Variants in LRP12 observed in about 807,000 individuals in gnomAD.
The protein encoded by LRP12 is LDL receptor related protein 12.
In LRP12, 14 loss-of-function variants were observed where a neutral mutation model predicts 66.0. That is an observed-to-expected ratio of 0.21 (90% CI 0.14 to 0.33). The LOEUF (loss-of-function observed/expected upper bound fraction) is 0.33. Ranked by LOEUF, LRP12 falls within the 10% of genes least tolerant of loss-of-function variation. LRP12 has a pLI of 1.00. For missense variants in LRP12, 889 were observed against 1,053.4 expected (o/e 0.84, Z 2.16); for synonymous variants, 357 against 359.1 (o/e 0.99, Z 0.07).
intron 1 of LRP12, among the ~76,000 whole-genome samples, chr8:104,580,077 A>G (rs1427651642): frequency 2.0e-5 from 3 of 152,230 alleles, no homozygotes; most frequent in Non-Finnish European, 4.4e-5. Context: ...AAATTGACAA[A>G]TGGAATCTAA....
intron 1 of LRP12, among the ~76,000 whole-genome samples, chr8:104,557,678 G>A (rs1344348471): frequency 6.6e-6 from 1 of 152,128 alleles, no homozygotes; most frequent in Admixed American, 6.5e-5. Flanking sequence ...TCAACATTGT[G>A]AAAATGACCA....
intron 3 of LRP12, among the ~76,000 whole-genome samples, chr8:104,503,227 T>G (rs1206990121): frequency 6.8e-6 from 1 of 147,936 alleles, no homozygotes; most frequent in Non-Finnish European, 1.5e-5. Flanking sequence ...CTCGGGAGGC[T>G]GAGGCGGGAG....
chr8:104,541,819 G>T (rs139802717), intron 1 of LRP12, among the ~76,000 whole-genome samples: 1 of 152,148 alleles, frequency 6.6e-6, no homozygotes, highest in East Asian at 1.9e-4. Context: ...ATTCATCCTT[G>T]TACCATGACT....
intron 3 of LRP12, among the ~76,000 whole-genome samples, chr8:104,501,835 CTTCA>C (rs1242257667): frequency 2.0e-5 from 3 of 151,748 alleles, no homozygotes; most frequent in East Asian, 3.9e-4. Context: ...AAATTTTAGT[CTTCA>C]TTAAGTCTAA....
At chr8:104,526,203 CATT>C (rs1353702881) in intron 2 of LRP12, among the ~76,000 whole-genome samples, 22 of 151,774 alleles carry the variant, frequency 1.4e-4, no homozygotes, top group African/African-American at 5.1e-4. Context: ...AATGGAAGAA[CATT>C]CCATGCTCAT....
chr8:104,525,919 G>A (rs13259268), intron 2 of LRP12, among the ~76,000 whole-genome samples: 22,283 of 152,074 alleles, frequency 0.15, 2,441 homozygotes, highest in African/African-American at 0.31. Context: ...ACATGATTGT[G>A]TATCTAGAAA....
chr8:104,557,529 T>TA (rs530034124), intron 1 of LRP12, among the ~76,000 whole-genome samples: 6,038 of 134,292 alleles, frequency 0.045, 174 homozygotes, highest in South Asian at 0.081. Flanking sequence ...TTGCAATAGC[T>TA]AAAAAAAAAA....
At chr8:104,536,584 GT>G (rs1197840188) in intron 1 of LRP12, among the ~76,000 whole-genome samples, 1 of 152,002 alleles carries the variant, frequency 6.6e-6, no homozygotes, top group Admixed American at 6.6e-5. Context: ...TTGGTAGTCT[GT>G]TGACAAAATA....
intron 1 of LRP12, among the ~76,000 whole-genome samples, chr8:104,573,001 C>T (rs1156977328): frequency 2.6e-5 from 4 of 152,140 alleles, no homozygotes; most frequent in Non-Finnish European, 5.9e-5. Context: ...CTTATTCTTA[C>T]GTAGTAGAAA....
chr8:104,548,773 C>T (rs1371897110), intron 1 of LRP12, among the ~76,000 whole-genome samples: 2 of 148,560 alleles, frequency 1.3e-5, no homozygotes, highest in African/African-American at 2.5e-5. Flanking sequence ...GGAGAAACCC[C>T]GTCTCTACTA....
intron 1 of LRP12, among the ~76,000 whole-genome samples, chr8:104,555,635 T>C (rs1222728604): frequency 6.6e-6 from 1 of 152,128 alleles, no homozygotes; most frequent in African/African-American, 2.4e-5. Flanking sequence ...TATATGCACC[T>C]AACACTGGAG....
chr8:104,491,001 C>G lies in LRP12; in HGVS notation c.2252G>C (p.Ser751Thr). 6.2e-7 allele frequency: 1 copy of G among 1,614,098 alleles called. No homozygotes were observed. Among genetic ancestry groups the G allele is most frequent in the South Asian group, 1.1e-5 (1 of 91,078 alleles). The change falls in exon 7 of 7, where the codon AGT becomes ACT. Residue 751 changes from serine to threonine, a missense_variant. Transcript: ENST00000276654. ...RFTLGRSSSL[S>T]QNQSPLRQLD... ...TTGTCTCAAAGGACTCTGGTTCTGA[C>G]TTAGGGAACTTGATCGTCCTAATGT... is the stretch of plus-strand genomic sequence containing the variant.
intron 1 of LRP12, among the ~76,000 whole-genome samples, chr8:104,588,539 C>G (rs928782208): frequency 1.4e-4 from 22 of 152,138 alleles, no homozygotes; most frequent in African/African-American, 4.1e-4. Flanking sequence ...GAACCCAGGT[C>G]GGGAAGTCCG....
At position 104,588,998 on chromosome 8, in the gene LRP12, C is replaced by G; in HGVS notation, c.-101G>C. 1.1e-6 allele frequency: 1 copy of G among 879,376 alleles called. No individual in the cohort carries two copies. 54.5% of individuals were successfully genotyped at this position (879,376 alleles called of 1,614,324 possible). ...CCGCCGCCGCCGCCGCCGCCGCCGC[C>G]GAGCCACCGGCTGCTCCCTGCGCTC... On this transcript the variant is annotated 5_prime_UTR_variant, in exon 1 of 7. Transcript: ENST00000276654.
chr8:104,548,266 GAT>G lies in LRP12; in HGVS notation c.80-16305_80-16304del, dbSNP rs1302960849. On this transcript the variant is annotated intron_variant, in intron 1 of 6. Coordinates refer to ENST00000276654, the MANE Select transcript of LRP12 (RefSeq NM_013437.5). ...TACGATATATATTATATTAATATAT[GAT>G]ATATATTATATTAATATATCATATA... 5.6e-5 allele frequency among the ~76,000 whole-genome samples: 5 copies of G among 88,498 alleles called. No homozygotes were observed. The South Asian group carries it at 9.1e-4, about 16-fold the overall frequency. The allele number at this position is 88,498 out of a possible 152,430, so 58.1% of individuals were successfully genotyped here.
chr8:104,571,131 T>C (rs1392088203), intron 1 of LRP12, among the ~76,000 whole-genome samples: 2 of 152,178 alleles, frequency 1.3e-5, no homozygotes, highest in South Asian at 2.1e-4. Flanking sequence ...CAAACTGATA[T>C]AGTCACTCTG....
intron 1 of LRP12, among the ~76,000 whole-genome samples, chr8:104,544,800 T>C (rs1412595782): frequency 5.3e-5 from 8 of 152,180 alleles, no homozygotes; most frequent in Admixed American, 5.2e-4. Flanking sequence ...ATAGCGCTGA[T>C]GGAGATATAT....
chr8:104,547,668 ATAT>A (rs987625156), intron 1 of LRP12, among the ~76,000 whole-genome samples: 8 of 117,320 alleles, frequency 6.8e-5, no homozygotes, highest in African/African-American at 1.5e-4. Flanking sequence ...ATATAATTCT[ATAT>A]TATATTTTGT....
intron 2 of LRP12, among the ~76,000 whole-genome samples, chr8:104,524,842 A>C (rs1376420988): frequency 1.3e-5 from 2 of 152,126 alleles, no homozygotes; most frequent in East Asian, 3.8e-4. Flanking sequence ...AGACAGCATA[A>C]ATTATTTCTA....
Sources: allele counts gnomAD v4.1 joint callset (sites outside exome capture counted in the v4.1 genomes callset), GRCh38; gene constraint gnomAD v4.1.1; transcripts MANE v1.5; gene names NCBI Gene and HGNC (gene_info 2026-07-23, HGNC 2026-07-21).